The following NID2 variants were observed in gnomAD, a reference collection of about 807,000 sequenced individuals.
NID2 encodes nidogen-2.
Under a neutral mutation model 145.4 loss-of-function variants are expected in NID2, and 83 were observed. The observed-to-expected ratio is 0.57, with a 90% CI of 0.48 to 0.69. The LOEUF (loss-of-function observed/expected upper bound fraction) is 0.69. NID2 is among the 30% of genes least tolerant of loss of function. The probability of loss-of-function intolerance (pLI) is 0.00; values close to 1 mark genes in which losing one functional copy is unlikely to be tolerated. For synonymous variants in NID2, 739 were observed against 701.3 expected (o/e 1.05, Z -0.85); for missense variants, 1,807 against 1,765.7 (o/e 1.02, Z -0.42).
Position 52,015,245 on chromosome 14 carries a change from T to C in NID2, c.3059A>G (p.Glu1020Gly), listed in dbSNP as rs370249043. The C allele has an allele frequency of 1.9e-6, 3 of 1,612,260 alleles. No homozygotes were observed. Among genetic ancestry groups the C allele is most frequent in the African/African-American group, 1.3e-5 (1 of 74,816 alleles). The part of the protein sequence containing the change: ...EPTQRPPTIC[E>G]RWRENLLEHY... ...CTCCAGCAGGTTTTCCCTCCAGCGC[T>C]CACAGATGGTCGGGGGCCTCTGGGT... The change falls in exon 15 of 22, where the codon GAG (glutamate) becomes GGG (glycine). Residue 1020 changes from glutamate (E) to glycine (G), a missense_variant. Transcript: ENST00000216286.
At chr14:52,014,539 A>G (rs1891148589) in intron 15 of NID2, 83 bp from the exon 16 acceptor site, 1 of 1,375,428 alleles carries the variant, frequency 7.3e-7, no homozygotes, top group South Asian at 1.4e-5. Context: ...ACCACATACC[A>G]GAGCCTCCAA....
chr14:52,049,733 T>C (rs1449200910), intron 5 of NID2, among the ~76,000 whole-genome samples: 1 of 152,198 alleles, frequency 6.6e-6, no homozygotes, highest in African/African-American at 2.4e-5. Context: ...TTGATGTGTG[T>C]GGCATGTAAT....
At chr14:52,047,649 G>A (rs994040756) in intron 5 of NID2, among the ~76,000 whole-genome samples, 4 of 152,142 alleles carry the variant, frequency 2.6e-5, no homozygotes, top group Non-Finnish European at 5.9e-5. Context: ...AGGTGGAACC[G>A]AGAGGGTTTG....
intron 18 of NID2, chr14:52,009,382 A>G (rs1890921341): frequency 6.6e-6 from 1 of 152,256 alleles, no homozygotes; most frequent in Non-Finnish European, 1.5e-5. Flanking sequence ...GAAAGTTGTA[A>G]AGGTGAAATC....
At chr14:52,040,281 C>G (rs1056532442) in intron 8 of NID2, among the ~76,000 whole-genome samples, 2 of 151,568 alleles carry the variant, frequency 1.3e-5, no homozygotes, top group African/African-American at 4.9e-5. Context: ...AGCCTGAACT[C>G]ATCAGCTGAA....
chr14:52,055,255 T>C (rs1183816576), intron 3 of NID2, among the ~76,000 whole-genome samples: 1 of 152,210 alleles, frequency 6.6e-6, no homozygotes, highest in African/African-American at 2.4e-5. Flanking sequence ...GCTCTACTCA[T>C]CTATGTTATA....
At chr14:52,041,277 AC>A (rs1267913938) in intron 7 of NID2, among the ~76,000 whole-genome samples, 3 of 152,226 alleles carry the variant, frequency 2.0e-5, no homozygotes, top group African/African-American at 4.8e-5. Flanking sequence ...TAATACTTAT[AC>A]TAGAAAATTG....
intron 12 of NID2, among the ~76,000 whole-genome samples, 194 bp downstream of exon 12, chr14:52,027,007 C>T (rs995114992): frequency 3.3e-5 from 5 of 152,342 alleles, no homozygotes; most frequent in African/African-American, 1.2e-4. Context: ...ATATGCTCGC[C>T]CATCTAGTCC....
At chr14:52,057,703 CAAAAAAAAAAAAAAAAA>C (rs5808649) in intron 3 of NID2, among the ~76,000 whole-genome samples, 5 of 89,650 alleles carry the variant, frequency 5.6e-5, no homozygotes, top group African/African-American at 2.2e-4. Context: ...ACCTCCGTCT[CAAAAAAAAAAAAAAAAA>C]AAAAAAAGAA....
At chr14:52,065,010 T>C (rs750213448) in intron 2 of NID2, among the ~76,000 whole-genome samples, 9 of 152,212 alleles carry the variant, frequency 5.9e-5, no homozygotes, top group Non-Finnish European at 8.8e-5. Flanking sequence ...GTCTACACCA[T>C]AACTTTTTTG....
At position 52,005,892 on chromosome 14, in the gene NID2, C is replaced by T. The variant is rs1566737273; in HGVS notation, c.4005-43G>A. 10 of 1,426,014 alleles carry T rather than the reference C, an allele frequency of 7.0e-6. No homozygotes were observed. The South Asian group carries it at 1.2e-4, about 16-fold the overall frequency. The allele number at this position is 1,426,014 out of a possible 1,614,324, so 88.3% of individuals were successfully genotyped here. A position where few individuals can be genotyped will look rare whatever the true frequency, so the allele number is the denominator to read the frequency against. On this transcript the variant is annotated intron_variant, in intron 20 of 21. Coordinates refer to ENST00000216286, the MANE Select transcript of NID2 (RefSeq NM_007361.4). The stretch of plus-strand genomic sequence containing the variant: ...GAGTGAATTCAGGGACAGTCATTTA[C>T]TAGATAAAGAAGTCAGTCAGCCACA...
chr14:52,040,923 CGCT>C (rs1892259074), intron 7 of NID2, 72 bp from the exon 8 acceptor site: 1 of 1,325,382 alleles, frequency 7.5e-7, no homozygotes, highest in African/African-American at 1.5e-5. Flanking sequence ...ATATACTGCC[CGCT>C]CCCAATTTCT....
intron 2 of NID2, among the ~76,000 whole-genome samples, chr14:52,062,403 C>T (rs542908538): frequency 6.6e-6 from 1 of 152,284 alleles, no homozygotes; most frequent in East Asian, 1.9e-4. Flanking sequence ...TAGAGCTTCT[C>T]AATACTAGGA....
intron 14 of NID2, among the ~76,000 whole-genome samples, chr14:52,017,417 A>G (rs751857268): frequency 1.3e-5 from 2 of 152,172 alleles, no homozygotes; most frequent in African/African-American, 2.4e-5. Context: ...AGTCAGAGAT[A>G]GCAGTTGGGG....
chr14:52,049,575 C>A (rs1448295715), intron 5 of NID2, among the ~76,000 whole-genome samples: 1 of 149,208 alleles, frequency 6.7e-6, no homozygotes, highest in Non-Finnish European at 1.5e-5. Context: ...ACTGCTACCT[C>A]AAAAAAAAAA....
rs1893286255 is a variant in NID2, at chr14:52,068,011, G to C, written c.381C>G (p.Asp127Glu). ...HGRGRVLYRE[D>E]TSPAVLGLAA... ...CCAGGCCCAGCACTGCGGGGGAGGT[G>C]TCCTCTCGGTACAGGACTCGGCCTC... The change falls in exon 2 of 22, where the codon GAC (aspartate) becomes GAG (glutamate). Residue 127 changes from aspartate to glutamate, a missense_variant. Transcript: ENST00000216286. The C allele has an allele frequency of 6.2e-7, 1 of 1,612,504 alleles. No individual in the cohort carries two copies. Among genetic ancestry groups the C allele is most frequent in the African/African-American group, 1.3e-5 (1 of 74,898 alleles).
chr14:52,041,979 C>G, intron 7 of NID2, 126 bp downstream of exon 7: 1 of 1,210,414 alleles, frequency 8.3e-7, no homozygotes, highest in Non-Finnish European at 1.1e-6. Context: ...AAACTACACA[C>G]ATGTGGCTCT....
At chr14:52,005,965 C>T in intron 20 of NID2, 116 bp from the exon 21 acceptor site, 1 of 717,156 alleles carries the variant, frequency 1.4e-6, no homozygotes, top group Non-Finnish European at 2.5e-6. Context: ...TTCTCTGTCC[C>T]AGGGCTGGTG....
intron 5 of NID2, among the ~76,000 whole-genome samples, chr14:52,051,396 C>A (rs538128788): frequency 3.9e-5 from 6 of 152,316 alleles, no homozygotes; most frequent in African/African-American, 1.4e-4. Context: ...AAGGGTCAAA[C>A]AGACTACATG....
Sources: gnomAD v4.1 joint callset for allele counts (sites outside exome capture counted in the v4.1 genomes callset) on GRCh38, gnomAD v4.1.1 for gene constraint, MANE v1.5 for transcripts, NCBI Gene and HGNC (gene_info 2026-07-23, HGNC 2026-07-21) for gene names.